Variants in TRPM3 observed in about 807,000 individuals in gnomAD.
TRPM3 encodes the protein transient receptor potential cation channel subfamily M member 3.
TRPM3 carries 77 observed loss-of-function variants against 181.2 expected under a neutral mutation model. The ratio of observed to expected loss-of-function variants is 0.42; its 90% CI spans 0.35 to 0.51. The LOEUF is 0.51. Ranked by LOEUF, TRPM3 falls within the 20% of genes least tolerant of loss-of-function variation. The pLI is 0.01. For missense variants in TRPM3, 1,759 were observed against 2,196.7 expected, an observed-to-expected ratio of 0.80 and a Z score of 3.98; for synonymous variants, 745 against 796.4, an observed-to-expected ratio of 0.94 and a Z score of 1.09.
At chr9:71,241,411 T>C (rs12551300) in intron 1 of TRPM3, among the ~76,000 whole-genome samples, 1 of 145,858 alleles carries the variant, frequency 6.9e-6, no homozygotes, top group Admixed American at 7.1e-5. Context: ...AAACCAAACA[T>C]CGCATGTTCT....
intron 7 of TRPM3, among the ~76,000 whole-genome samples, chr9:70,763,055 T>C (rs571457381): frequency 1.3e-5 from 2 of 152,292 alleles, no homozygotes; most frequent in African/African-American, 4.8e-5. Context: ...GTGAGGTTCA[T>C]CTGAACTCAC....
intron 1 of TRPM3, among the ~76,000 whole-genome samples, chr9:71,003,720 C>T (rs987540615): frequency 6.6e-6 from 1 of 152,172 alleles, no homozygotes; most frequent in Non-Finnish European, 1.5e-5. Flanking sequence ...ATACCATTTG[C>T]AGTCGGCAAG....
intron 1 of TRPM3, among the ~76,000 whole-genome samples, chr9:71,075,791 T>C (rs1346938979): frequency 6.6e-6 from 1 of 152,236 alleles, no homozygotes; most frequent in Non-Finnish European, 1.5e-5. Flanking sequence ...ATAAGGTTTA[T>C]AATAGGATCT....
intron 1 of TRPM3, among the ~76,000 whole-genome samples, chr9:70,986,607 G>A (rs1309002405): frequency 6.6e-6 from 1 of 152,106 alleles, no homozygotes; most frequent in Non-Finnish European, 1.5e-5. Flanking sequence ...GACCTATGGG[G>A]ACTGGCTTTT....
At chr9:71,225,903 C>T (rs1229887364) in intron 1 of TRPM3, among the ~76,000 whole-genome samples, 1 of 151,170 alleles carries the variant, frequency 6.6e-6, no homozygotes, top group African/African-American at 2.4e-5. Flanking sequence ...ATTATCCACC[C>T]GCTTCAGCCT....
chr9:71,108,403 T>C (rs758905686), intron 1 of TRPM3, among the ~76,000 whole-genome samples: 7 of 152,162 alleles, frequency 4.6e-5, no homozygotes, highest in Non-Finnish European at 1.0e-4. Context: ...TAAGAGAGGC[T>C]GCTCCCCTGC....
chr9:71,297,652 T>G (rs756588448), intron 1 of TRPM3, among the ~76,000 whole-genome samples: 3 of 152,190 alleles, frequency 2.0e-5, no homozygotes, highest in Admixed American at 6.5e-5. Context: ...TACCTCCCAC[T>G]GGGTCCCTCC....
intron 1 of TRPM3, among the ~76,000 whole-genome samples, chr9:70,960,720 C>T (rs2133817051): frequency 6.6e-6 from 1 of 152,276 alleles, no homozygotes; most frequent in East Asian, 1.9e-4. Flanking sequence ...CTCGTTCTCA[C>T]ATGCAACATA....
intron 14 of TRPM3, among the ~76,000 whole-genome samples, chr9:70,623,866 C>CT (rs35568184): frequency 0.44 from 65,394 of 149,524 alleles, 15,697 homozygotes; most frequent in Admixed American, 0.53. Context: ...ATTATAGCCA[C>CT]TTTTTTTTTT....
chr9:71,224,470 A>G (rs1257252402), intron 1 of TRPM3, among the ~76,000 whole-genome samples: 1 of 152,250 alleles, frequency 6.6e-6, no homozygotes, highest in Non-Finnish European at 1.5e-5. Context: ...TACAACAAGT[A>G]TCTAATTTTT....
intron 1 of TRPM3, among the ~76,000 whole-genome samples, chr9:71,286,150 C>T (rs34640181): frequency 0.034 from 5,128 of 152,170 alleles, 309 homozygotes; most frequent in African/African-American, 0.12. Context: ...CATAAGGTAG[C>T]GAGGTATGGG....
chr9:71,047,779 T>C (rs78913027), intron 1 of TRPM3, among the ~76,000 whole-genome samples: 2,076 of 150,692 alleles, frequency 0.014, 37 homozygotes, highest in African/African-American at 0.048. Context: ...CAGAAAATCA[T>C]TGCTTTCAAG....
intron 1 of TRPM3, among the ~76,000 whole-genome samples, chr9:70,993,641 C>T (rs1352079612): frequency 6.6e-6 from 1 of 151,988 alleles, no homozygotes; most frequent in Non-Finnish European, 1.5e-5. Context: ...TTGAGAGTTA[C>T]CAAGTCGAGA....
chr9:70,537,386 G>T lies in TRPM3; in HGVS notation c.3727C>A (p.Arg1243=), dbSNP rs777311611. The T allele has an allele frequency of 1.1e-5, 16 of 1,485,338 alleles. No individual in the cohort carries two copies. The East Asian group carries it at 2.8e-4, about 26-fold the overall frequency. The allele number at this position is 1,485,338 out of a possible 1,614,324, so 92.0% of individuals were successfully genotyped here. ...TCTCTCTCGTTGACTTCCTCCAGCC[G>T]CATAGACATGTTCTCCACCCTGCGC... The part of the protein sequence containing the change: ...TSERVENMSM[R]LEEVNEREHS... Residue 1243 remains arginine, a synonymous_variant, in exon 26 of 26, where the codon CGG becomes AGG. Coordinates refer to ENST00000677713, the MANE Select transcript of TRPM3 (RefSeq NM_001366145.2).
chr9:70,870,363 C>T (rs2095761940), intron 1 of TRPM3, among the ~76,000 whole-genome samples: 1 of 151,980 alleles, frequency 6.6e-6, no homozygotes, highest in Non-Finnish European at 1.5e-5. Flanking sequence ...GTTGGGGAAA[C>T]ATTATGATAA....
At chr9:71,216,662 T>C (rs2079884135) in intron 1 of TRPM3, among the ~76,000 whole-genome samples, 1 of 152,176 alleles carries the variant, frequency 6.6e-6, no homozygotes, top group Non-Finnish European at 1.5e-5. Context: ...TCCTGACATA[T>C]TCATATCTAG....
intron 1 of TRPM3, among the ~76,000 whole-genome samples, chr9:71,134,956 G>C (rs1587575684): frequency 6.6e-6 from 1 of 152,110 alleles, no homozygotes; most frequent in Non-Finnish European, 1.5e-5. Flanking sequence ...AAATAGAAAA[G>C]ACTGGGCAAG....
chr9:71,196,623 GT>G (rs2078384975), intron 1 of TRPM3, among the ~76,000 whole-genome samples: 1 of 151,874 alleles, frequency 6.6e-6, no homozygotes, highest in African/African-American at 2.4e-5. Context: ...ACCCTCCACT[GT>G]TTCAATTTCT....
intron 7 of TRPM3, among the ~76,000 whole-genome samples, chr9:70,781,538 G>A (rs895671540): frequency 6.6e-6 from 1 of 151,754 alleles, no homozygotes; most frequent in African/African-American, 2.4e-5. Flanking sequence ...AATGAAAAGA[G>A]GAAGCTGAAG....
Sources: allele counts gnomAD v4.1 joint callset (sites outside exome capture counted in the v4.1 genomes callset), GRCh38; gene constraint gnomAD v4.1.1; transcripts MANE v1.5; gene names NCBI Gene and HGNC (gene_info 2026-07-23, HGNC 2026-07-21).